Variants in EPS15L1 observed in about 807,000 individuals in gnomAD.
EPS15L1 encodes epidermal growth factor receptor pathway substrate 15 like 1.
Under a neutral mutation model 117.1 loss-of-function variants are expected in EPS15L1, and 43 were observed. That is an observed-to-expected ratio of 0.37 (90% CI 0.29 to 0.47). The LOEUF (loss-of-function observed/expected upper bound fraction) is 0.47. Among genes scored for constraint, EPS15L1 ranks in the 20% least tolerant of loss-of-function variants. EPS15L1 has a pLI of 0.99. For synonymous variants in EPS15L1, 459 were observed against 470.5 expected (o/e 0.98, Z 0.32); for missense variants, 981 against 1,164.0 (o/e 0.84, Z 2.29).
chr19:16,454,618 C>T (rs1455586769), intron 1 of EPS15L1, among the ~76,000 whole-genome samples: 1 of 152,156 alleles, frequency 6.6e-6, no homozygotes, highest in Non-Finnish European at 1.5e-5. Context: ...GGCTCAAGGC[C>T]TCCATCCAAA....
intron 8 of EPS15L1, among the ~76,000 whole-genome samples, chr19:16,426,281 C>T (rs1031318920): frequency 1.3e-5 from 2 of 152,182 alleles, no homozygotes; most frequent in Non-Finnish European, 2.9e-5. Flanking sequence ...ATCAAGAGGA[C>T]CTGGCAGCCA....
At chr19:16,457,053 G>C (rs2093204489) in intron 1 of EPS15L1, among the ~76,000 whole-genome samples, 1 of 152,156 alleles carries the variant, frequency 6.6e-6, no homozygotes, top group Non-Finnish European at 1.5e-5. Context: ...CTGGAAGGAA[G>C]TGATCAGAGA....
intron 22 of EPS15L1, among the ~76,000 whole-genome samples, chr19:16,367,417 A>C (rs2144656336): frequency 6.6e-6 from 1 of 150,670 alleles, no homozygotes; most frequent in African/African-American, 2.4e-5. Context: ...CAGTTACCCA[A>C]GCGGTGTACC....
intron 8 of EPS15L1, among the ~76,000 whole-genome samples, 166 bp downstream of exon 8, chr19:16,428,536 G>GA (rs535446152): frequency 2.2e-5 from 3 of 137,864 alleles, no homozygotes; most frequent in East Asian, 2.1e-4. Context: ...AGAAAGAAAG[G>GA]AAGAAAGACA....
intron 22 of EPS15L1, among the ~76,000 whole-genome samples, chr19:16,363,845 G>A (rs2092095064): frequency 6.6e-6 from 1 of 152,236 alleles, no homozygotes; most frequent in East Asian, 1.9e-4. Context: ...TTCTGGGCCA[G>A]CATAAGGACT....
intron 13 of EPS15L1, among the ~76,000 whole-genome samples, chr19:16,409,283 G>A (rs559158559): frequency 3.2e-4 from 48 of 152,244 alleles, no homozygotes; most frequent in African/African-American, 1.1e-3. Context: ...ATGACAACTA[G>A]ATGTCCACAT....
intron 1 of EPS15L1, among the ~76,000 whole-genome samples, chr19:16,468,148 A>T (rs2093319715): frequency 6.6e-6 from 1 of 152,156 alleles, no homozygotes; most frequent in South Asian, 2.1e-4. Flanking sequence ...GGTGGGGCTA[A>T]GGGAGGACAA....
intron 1 of EPS15L1, among the ~76,000 whole-genome samples, chr19:16,470,206 A>AC (rs1296644014): frequency 6.6e-6 from 1 of 151,124 alleles, no homozygotes; most frequent in African/African-American, 2.4e-5. Context: ...AAATGGTGAA[A>AC]CCCCGTCTCC....
intron 20 of EPS15L1, among the ~76,000 whole-genome samples, chr19:16,385,937 T>C (rs2092416640): frequency 6.6e-6 from 1 of 152,222 alleles, no homozygotes; most frequent in Admixed American, 6.5e-5. Context: ...GTGCTATTAC[T>C]GAATTCCTAC....
Position 16,417,349 on chromosome 19 carries a change from C to T in EPS15L1, c.1193+203G>A. On this transcript the variant is annotated intron_variant, in intron 12 of 23. Coordinates refer to ENST00000455140, the MANE Select transcript of EPS15L1 (RefSeq NM_001258374.3). Reference sequence around the variant, plus strand: ...TGAGACCACACAGATGCTACGGGCTCTGGCTGAGGCTGATTCAAATGGAAG... The same window carrying T: ...TGAGACCACACAGATGCTACGGGCTTTGGCTGAGGCTGATTCAAATGGAAG... 6 of 559,080 alleles carry T rather than the reference C, an allele frequency of 1.1e-5. No homozygotes were observed. The South Asian group carries it at 1.2e-4, about 11-fold the overall frequency. 34.6% of individuals were successfully genotyped at this position (559,080 alleles called of 1,614,324 possible).
At chr19:16,385,964 T>C (rs1305376532) in intron 20 of EPS15L1, among the ~76,000 whole-genome samples, 2 of 152,220 alleles carry the variant, frequency 1.3e-5, no homozygotes, top group Non-Finnish European at 2.9e-5. Context: ...AATTCCTTTC[T>C]GGAAAGATGC....
chr19:16,398,573 G>A (rs1337072935), intron 16 of EPS15L1, among the ~76,000 whole-genome samples: 1 of 152,254 alleles, frequency 6.6e-6, no homozygotes, highest in Non-Finnish European at 1.5e-5. Context: ...ATTTGTTCCA[G>A]AAGAAAGAGA....
At chr19:16,433,824 G>A (rs1302973135) in intron 7 of EPS15L1, among the ~76,000 whole-genome samples, 1 of 152,020 alleles carries the variant, frequency 6.6e-6, no homozygotes. Context: ...TTAGCTGGGC[G>A]TGGTGGCATG....
intron 12 of EPS15L1, among the ~76,000 whole-genome samples, chr19:16,416,619 A>T (rs1273361342): frequency 6.6e-6 from 1 of 151,478 alleles, no homozygotes; most frequent in Admixed American, 6.6e-5. Context: ...CCTAGGTGAC[A>T]GAATGAGACT....
intron 6 of EPS15L1, chr19:16,436,707 C>T (rs191194223): frequency 1.3e-5 from 6 of 449,590 alleles, no homozygotes; most frequent in Middle Eastern, 5.8e-4. Flanking sequence ...AGGTAGGCAA[C>T]TCCCAATTCC....
intron 16 of EPS15L1, among the ~76,000 whole-genome samples, chr19:16,397,423 T>A (rs2092552136): frequency 6.6e-6 from 1 of 152,206 alleles, no homozygotes; most frequent in Non-Finnish European, 1.5e-5. Flanking sequence ...TAAACAATTT[T>A]TTTTTAATCA....
At position 16,405,919 on chromosome 19, in the gene EPS15L1, C is replaced by G. The variant is rs996573032; in HGVS notation, c.1267-1170G>C. On this transcript the variant is annotated intron_variant, in intron 13 of 23. Transcript: ENST00000455140. This position sits in a 1 kb window ranked among gnomAD's most constrained non-coding sequence, Gnocchi z 4.0. ...ATTGTGACAAGCCTCCTCCCTCCAGCTGCCATGTGGAGCGTGGTGCAAGGG... is the reference window on the plus strand; with the variant it reads ...ATTGTGACAAGCCTCCTCCCTCCAGGTGCCATGTGGAGCGTGGTGCAAGGG... Among the ~76,000 whole-genome samples the G allele has an allele frequency of 6.6e-6, 1 of 152,240 alleles. No individual in the cohort carries two copies. Among genetic ancestry groups the G allele is most frequent in the Non-Finnish European group, 1.5e-5 (1 of 68,046 alleles).
chr19:16,440,840 C>T, intron 4 of EPS15L1, 22 bp downstream of exon 4: 3 of 1,613,296 alleles, frequency 1.9e-6, no homozygotes, highest in Non-Finnish European at 2.5e-6. Context: ...CCTCCATTTG[C>T]TCTGTGTACA....
intron 9 of EPS15L1, among the ~76,000 whole-genome samples, chr19:16,421,767 G>A (rs2092816154): frequency 6.6e-6 from 1 of 152,092 alleles, no homozygotes; most frequent in Non-Finnish European, 1.5e-5. Flanking sequence ...GGGTGTGAGG[G>A]AGGCTGTGAT....
Sources: gnomAD v4.1 joint callset for allele counts (sites outside exome capture counted in the v4.1 genomes callset) on GRCh38, gnomAD v4.1.1 for gene constraint, Gnocchi (gnomAD v3.1) non-coding constraint, MANE v1.5 for transcripts, NCBI Gene and HGNC (gene_info 2026-07-23, HGNC 2026-07-21) for gene names.